The following GNAT3 variants were observed in gnomAD, a reference collection of about 807,000 sequenced individuals.
GNAT3 encodes the protein guanine nucleotide-binding protein G(t) subunit alpha-3.
In GNAT3, 31 loss-of-function variants were observed where a neutral mutation model predicts 37.7. That is an observed-to-expected ratio of 0.82 (90% confidence interval 0.62 to 1.11). The LOEUF (loss-of-function observed/expected upper bound fraction) is 1.11, where lower values mean the gene tolerates loss of function less well. Ranked by LOEUF, GNAT3 falls within the 50% of genes most tolerant of loss-of-function variation. GNAT3 has a pLI of 0.00. For synonymous variants in GNAT3, 138 were observed against 139.8 expected (o/e 0.99, Z 0.09); for missense variants, 437 against 412.5 (o/e 1.06, Z -0.51).
chr7:80,474,135 A>T, intron 5 of GNAT3, 116 bp downstream of exon 5: 1 of 937,702 alleles, frequency 1.1e-6, no homozygotes, highest in Non-Finnish European at 1.6e-6. Flanking sequence ...AACTAGAGCT[A>T]GTGAGTACAT....
chr7:80,496,825 A>T (rs978879524), intron 1 of GNAT3, among the ~76,000 whole-genome samples: 4 of 151,578 alleles, frequency 2.6e-5, no homozygotes, highest in African/African-American at 9.7e-5. Context: ...AGCTACACCT[A>T]AATTTAGTTC....
chr7:80,458,638 T>C lies in GNAT3; in HGVS notation c.*33A>G. 1 of 1,282,096 alleles carries C rather than the reference T, an allele frequency of 7.8e-7. No individual in the cohort carries two copies. The highest frequency in any genetic ancestry group is 1.1e-6 in the Non-Finnish European group (1 of 934,298). The allele number at this position is 1,282,096 out of a possible 1,614,324, so 79.4% of individuals were successfully genotyped here. ...CTTTTCTTTTATATTTTGAAAAGCA[T>C]ACATGAGCAAGAGTGGAAGAGAAAA... On this transcript the variant is annotated 3_prime_UTR_variant, in exon 8 of 8. Coordinates refer to ENST00000398291, the MANE Select transcript of GNAT3 (RefSeq NM_001102386.3).
chr7:80,509,779 C>A (rs1261980413), intron 1 of GNAT3, among the ~76,000 whole-genome samples: 4 of 151,872 alleles, frequency 2.6e-5, no homozygotes, highest in Non-Finnish European at 5.9e-5. Flanking sequence ...CCTTTTTGAC[C>A]CAATTTTCAG....
intron 7 of GNAT3, 112 bp downstream of exon 7, chr7:80,462,047 C>T (rs1302056052): frequency 2.8e-6 from 2 of 709,954 alleles, no homozygotes; most frequent in East Asian, 5.5e-5. Context: ...AAAGATAACT[C>T]AAAAATGATC....
chr7:80,497,657 CATATA>C (rs1237511437), intron 1 of GNAT3, among the ~76,000 whole-genome samples: 18 of 112,964 alleles, frequency 1.6e-4, no homozygotes, highest in African/African-American at 9.0e-4. Flanking sequence ...TACGTATATA[CATATA>C]CGTATATACA....
chr7:80,478,988 C>T lies in GNAT3; in HGVS notation c.314G>A (p.Arg105Gln), dbSNP rs75075195. The T allele has an allele frequency of 7.4e-4, 1,195 of 1,606,858 alleles. 14 individuals carry two copies. The African/African-American group carries it at 0.015, about 20-fold the overall frequency. ...YVNPRSAEDQ[R>Q]QLYAMANTLE... is the part of the protein sequence containing the mutation. ...GGTATTTGCCATTGCATAAAGTTGT[C>T]GTTGGTCCTCCTAGAACAATATTTT... The change falls in exon 4 of 8, where the codon CGA becomes CAA. Residue 105 changes from arginine to glutamine, a missense_variant. Arg to Gln is a conservative substitution (Grantham distance 43). Coordinates refer to ENST00000398291, the MANE Select transcript of GNAT3 (RefSeq NM_001102386.3).
At chr7:80,483,051 T>G (rs1790418084) in intron 3 of GNAT3, among the ~76,000 whole-genome samples, 2 of 152,028 alleles carry the variant, frequency 1.3e-5, no homozygotes, top group South Asian at 4.1e-4. Context: ...GAGCCTACGG[T>G]AATGATTTTC....
At chr7:80,500,532 G>C (rs1380760078) in intron 1 of GNAT3, among the ~76,000 whole-genome samples, 1 of 151,950 alleles carries the variant, frequency 6.6e-6, no homozygotes, top group Non-Finnish European at 1.5e-5. Context: ...AGAAGGTCAA[G>C]GGCAGGAAAC....
chr7:80,497,929 T>C (rs965216171), intron 1 of GNAT3, among the ~76,000 whole-genome samples: 1 of 152,136 alleles, frequency 6.6e-6, no homozygotes, highest in Non-Finnish European at 1.5e-5. Context: ...GAATTGTCTA[T>C]CTTGAGATAT....
At chr7:80,474,078 G>A (rs1790263029) in intron 5 of GNAT3, among the ~76,000 whole-genome samples, 173 bp downstream of exon 5, 1 of 152,086 alleles carries the variant, frequency 6.6e-6, no homozygotes, top group Non-Finnish European at 1.5e-5. Flanking sequence ...GAGAGGCTGG[G>A]GTGAGAGGCT....
chr7:80,482,070 C>T (rs1401137246), intron 3 of GNAT3, among the ~76,000 whole-genome samples: 1 of 152,104 alleles, frequency 6.6e-6, no homozygotes, highest in Admixed American at 6.6e-5. Flanking sequence ...TTCTCAGGAC[C>T]TCCTGAGGCT....
intron 1 of GNAT3, among the ~76,000 whole-genome samples, chr7:80,498,863 C>G (rs534320577): frequency 6.6e-6 from 1 of 151,946 alleles, no homozygotes; most frequent in Non-Finnish European, 1.5e-5. Context: ...TACTTAGATA[C>G]TCATAAATTA....
At chr7:80,492,306 T>G (rs1014869335) in intron 2 of GNAT3, among the ~76,000 whole-genome samples, 1 of 152,066 alleles carries the variant, frequency 6.6e-6, no homozygotes, top group Non-Finnish European at 1.5e-5. Flanking sequence ...ATTGTGCCAC[T>G]GCACTCCAGC....
chr7:80,510,133 TC>T (rs1395438138), intron 1 of GNAT3, among the ~76,000 whole-genome samples: 2 of 152,198 alleles, frequency 1.3e-5, no homozygotes, highest in East Asian at 3.9e-4. Context: ...TTCCCCTTGT[TC>T]CCCCCAACCA....
intron 1 of GNAT3, among the ~76,000 whole-genome samples, chr7:80,511,094 A>G (rs1791057394): frequency 6.6e-6 from 1 of 152,124 alleles, no homozygotes; most frequent in Non-Finnish European, 1.5e-5. Flanking sequence ...AAATCTGCAT[A>G]TGGATTATTT....
intron 2 of GNAT3, among the ~76,000 whole-genome samples, chr7:80,488,954 A>G (rs946492009): frequency 6.6e-6 from 1 of 152,132 alleles, no homozygotes; most frequent in Non-Finnish European, 1.5e-5. Flanking sequence ...AATCATAAGC[A>G]TTATACTTAG....
intron 1 of GNAT3, among the ~76,000 whole-genome samples, chr7:80,503,473 C>T (rs1562735362): frequency 1.3e-5 from 2 of 152,248 alleles, no homozygotes; most frequent in African/African-American, 4.8e-5. Flanking sequence ...TTATCTATAT[C>T]ATGAAAGTAA....
chr7:80,478,854 C>T lies in GNAT3; in HGVS notation c.448G>A (p.Asp150Asn). The T allele has an allele frequency of 6.2e-7, 1 of 1,613,148 alleles. No homozygotes were observed. Among genetic ancestry groups the T allele is most frequent in the Non-Finnish European group, 8.5e-7 (1 of 1,179,376 alleles). ...FERASEYQLNDSAAYYLNDLD... is the reference protein window; with the variant it reads ...FERASEYQLNNSAAYYLNDLD... ...GAATTCACTTACTAAGCTGCTGAGTCATTGAGCTGATATTCAGATGCCCTT... is the reference window on the plus strand; with the variant it reads ...GAATTCACTTACTAAGCTGCTGAGTTATTGAGCTGATATTCAGATGCCCTT... The change falls in exon 4 of 8, where the codon GAC becomes AAC. Residue 150 changes from aspartate to asparagine, a missense_variant. Transcript: ENST00000398291.
At chr7:80,468,870 G>T (rs1383513369) in intron 5 of GNAT3, among the ~76,000 whole-genome samples, 1 of 152,042 alleles carries the variant, frequency 6.6e-6, no homozygotes, top group Non-Finnish European at 1.5e-5. Context: ...ATGCCCACTA[G>T]ATAATTCTCC....
Sources: gnomAD v4.1 joint callset for allele counts (sites outside exome capture counted in the v4.1 genomes callset) on GRCh38, gnomAD v4.1.1 for gene constraint, MANE v1.5 for transcripts, NCBI Gene and HGNC (gene_info 2026-07-23, HGNC 2026-07-21) for gene names.